Variants in TUSC3 observed in about 807,000 individuals in gnomAD.
The protein encoded by TUSC3 is dolichyl-diphosphooligosaccharide--protein glycosyltransferase subunit TUSC3.
TUSC3 carries 45 observed loss-of-function variants against 44.8 expected under a neutral mutation model. The ratio of observed to expected loss-of-function variants is 1.00; its 90% CI spans 0.79 to 1.29. TUSC3 has a LOEUF of 1.29. Ranked by LOEUF, TUSC3 falls within the 50% of genes most tolerant of loss-of-function variation. TUSC3 has a pLI of 0.00. For missense variants in TUSC3, 519 were observed against 437.9 expected (o/e 1.19, Z -1.65); for synonymous variants, 212 against 152.9 (o/e 1.39, Z -2.85).
intron 1 of TUSC3, among the ~76,000 whole-genome samples, chr8:15,556,966 C>G (rs187558580): frequency 5.3e-5 from 8 of 149,906 alleles, no homozygotes; most frequent in Admixed American, 4.7e-4. Flanking sequence ...CCTGTACACT[C>G]TGATGGTAAT....
At chr8:15,665,987 C>A (rs924342787) in intron 5 of TUSC3, among the ~76,000 whole-genome samples, 1 of 151,360 alleles carries the variant, frequency 6.6e-6, no homozygotes, top group Non-Finnish European at 1.5e-5. Flanking sequence ...TAAGCATATA[C>A]ATTACTTGCT....
chr8:15,484,360 T>C (rs1225597145), intron 2 of TUSC3, among the ~76,000 whole-genome samples: 2 of 152,232 alleles, frequency 1.3e-5, no homozygotes, highest in Admixed American at 6.5e-5. Flanking sequence ...TAGTACTTAA[T>C]TGTTTTCTAG....
chr8:15,721,153 A>C (rs1563189811), intron 6 of TUSC3, among the ~76,000 whole-genome samples: 1 of 152,058 alleles, frequency 6.6e-6, no homozygotes, highest in Non-Finnish European at 1.5e-5. Context: ...ATAAGTAAGA[A>C]AAAATGATCT....
chr8:15,566,947 C>T (rs1802701834), intron 1 of TUSC3, among the ~76,000 whole-genome samples: 1 of 152,092 alleles, frequency 6.6e-6, no homozygotes, highest in South Asian at 2.1e-4. Flanking sequence ...CAGGTTGTAA[C>T]ATGAGTCATA....
intron 1 of TUSC3, among the ~76,000 whole-genome samples, chr8:15,434,894 C>A (rs1372274470): frequency 1.3e-5 from 2 of 151,800 alleles, no homozygotes; most frequent in Admixed American, 6.6e-5. Context: ...CATAGTATTC[C>A]ATGGTGTATA....
intron 6 of TUSC3, among the ~76,000 whole-genome samples, chr8:15,709,540 G>A (rs577944721): frequency 6.6e-6 from 1 of 151,780 alleles, no homozygotes; most frequent in African/African-American, 2.4e-5. Flanking sequence ...TCCAGATGAA[G>A]CTCCCATTGA....
intron 6 of TUSC3, among the ~76,000 whole-genome samples, chr8:15,681,130 T>G (rs1396161079): frequency 2.3e-4 from 22 of 94,274 alleles, no homozygotes; most frequent in Admixed American, 2.0e-4. Flanking sequence ...CATCCTTGAT[T>G]TTTTTTTTTT....
chr8:15,779,495 A>G, the TUSC3 span, among the ~76,000 whole-genome samples: 10 of 152,204 alleles, frequency 6.6e-5, no homozygotes, highest in Non-Finnish European at 1.5e-4. Flanking sequence ...CCACTGTAAT[A>G]TGGAAGCTGT....
chr8:15,752,214 G>A (rs1472551498), intron 9 of TUSC3, among the ~76,000 whole-genome samples: 1 of 152,060 alleles, frequency 6.6e-6, no homozygotes, highest in Non-Finnish European at 1.5e-5. Context: ...TTTAGACAAA[G>A]GAGAGAGGAG....
At chr8:15,437,780 G>A (rs979275189) in intron 1 of TUSC3, among the ~76,000 whole-genome samples, 1 of 152,134 alleles carries the variant, frequency 6.6e-6, no homozygotes, top group East Asian at 1.9e-4. Context: ...TCTATACCTC[G>A]AGTTTCAGAT....
intron 7 of TUSC3, among the ~76,000 whole-genome samples, chr8:15,731,943 A>G (rs1368376764): frequency 6.6e-6 from 1 of 152,122 alleles, no homozygotes; most frequent in African/African-American, 2.4e-5. Context: ...GGTGGGGAAA[A>G]GGGATGGAAA....
At chr8:15,663,190 G>A (rs1433708419) in intron 5 of TUSC3, among the ~76,000 whole-genome samples, 1 of 151,476 alleles carries the variant, frequency 6.6e-6, no homozygotes, top group Non-Finnish European at 1.5e-5. Context: ...AACAGAAAAT[G>A]TATGAAATAT....
intron 6 of TUSC3, among the ~76,000 whole-genome samples, chr8:15,717,295 A>C (rs1269617606): frequency 6.6e-6 from 1 of 152,136 alleles, no homozygotes; most frequent in Admixed American, 6.6e-5. Context: ...AAGACGAAAC[A>C]TCATTTTTTG....
chr8:15,629,803 T>C (rs998469075), intron 2 of TUSC3, among the ~76,000 whole-genome samples: 1 of 152,114 alleles, frequency 6.6e-6, no homozygotes, highest in Non-Finnish European at 1.5e-5. Context: ...TTGATTTTCC[T>C]TGCTTAAAGG....
At chr8:15,717,827 G>C (rs1349806408) in intron 6 of TUSC3, among the ~76,000 whole-genome samples, 1 of 151,954 alleles carries the variant, frequency 6.6e-6, no homozygotes, top group African/African-American at 2.4e-5. Flanking sequence ...TTTATCCCTA[G>C]TTACAAAGGA....
At chr8:15,810,704 A>C in the TUSC3 span, among the ~76,000 whole-genome samples, 1 of 152,134 alleles carries the variant, frequency 6.6e-6, no homozygotes, top group Non-Finnish European at 1.5e-5. Flanking sequence ...TTCTTTGACA[A>C]ATTTTGAGAC....
chr8:15,506,010 C>T (rs1801046482), intron 2 of TUSC3, among the ~76,000 whole-genome samples: 1 of 152,038 alleles, frequency 6.6e-6, no homozygotes. Flanking sequence ...TTCACAGCAC[C>T]CTGGTGTGCT....
the TUSC3 span, among the ~76,000 whole-genome samples, chr8:15,812,951 G>A: frequency 6.6e-6 from 1 of 152,010 alleles, no homozygotes; most frequent in African/African-American, 2.4e-5. Context: ...AAAATTAGCT[G>A]GGCGTGGTGG....
At chr8:15,707,092 T>C (rs1809649580) in intron 6 of TUSC3, among the ~76,000 whole-genome samples, 1 of 151,994 alleles carries the variant, frequency 6.6e-6, no homozygotes, top group South Asian at 2.1e-4. Context: ...TCACCATGGG[T>C]TAGTAGTTTA....
Sources: gnomAD v4.1 joint callset for allele counts (sites outside exome capture counted in the v4.1 genomes callset) on GRCh38, gnomAD v4.1.1 for gene constraint, MANE v1.5 for transcripts, NCBI Gene and HGNC (gene_info 2026-07-23, HGNC 2026-07-21) for gene names.